The following RBBP8 variants were observed in gnomAD, a reference collection of about 807,000 sequenced individuals.
The protein encoded by RBBP8 is DNA endonuclease RBBP8.
Under a neutral mutation model 108.3 loss-of-function variants are expected in RBBP8, and 88 were observed. The ratio of observed to expected loss-of-function variants is 0.81; its 90% CI spans 0.68 to 0.97. The LOEUF (loss-of-function observed/expected upper bound fraction) is 0.97, where lower values mean the gene tolerates loss of function less well. Among genes scored for constraint, RBBP8 ranks in the 50% least tolerant of loss-of-function variants. The pLI is 0.00. For missense variants in RBBP8, 1,023 were observed against 1,049.0 expected, an observed-to-expected ratio of 0.98 and a Z score of 0.34; for synonymous variants, 332 against 348.2, an observed-to-expected ratio of 0.95 and a Z score of 0.52.
intron 4 of RBBP8, chr18:22,950,049 T>C (rs1036640270): frequency 4.6e-6 from 1 of 217,640 alleles, no homozygotes; most frequent in African/African-American, 2.3e-5. Flanking sequence ...CTGTCGTCTT[T>C]TCTTGTTCTT....
chr18:22,955,668 G>T (rs1912461269), intron 4 of RBBP8, among the ~76,000 whole-genome samples: 1 of 150,256 alleles, frequency 6.7e-6, no homozygotes, highest in Non-Finnish European at 1.5e-5. Flanking sequence ...AGCTCCGCCT[G>T]CCAGGTTCAC....
intron 14 of RBBP8, among the ~76,000 whole-genome samples, chr18:23,001,045 A>G (rs766012380): frequency 1.3e-5 from 2 of 152,204 alleles, no homozygotes; most frequent in African/African-American, 2.4e-5. Flanking sequence ...ACATCTGTTC[A>G]CCAAAAGAAC....
intron 16 of RBBP8, among the ~76,000 whole-genome samples, chr18:23,006,997 GTGTGCA>G (rs1321118065): frequency 8.6e-5 from 13 of 150,796 alleles, no homozygotes; most frequent in East Asian, 1.9e-4. Flanking sequence ...GTGTGTGTGC[GTGTGCA>G]TGTGTGTGTG....
At chr18:23,013,625 G>GT (rs903706714) in intron 16 of RBBP8, among the ~76,000 whole-genome samples, 1 of 152,158 alleles carries the variant, frequency 6.6e-6, no homozygotes, top group Non-Finnish European at 1.5e-5. Flanking sequence ...TACATAGATG[G>GT]TTTAAGTCTC....
chr18:22,999,994 A>C (rs1281916884), intron 14 of RBBP8, among the ~76,000 whole-genome samples: 3 of 152,256 alleles, frequency 2.0e-5, no homozygotes, highest in African/African-American at 7.2e-5. Flanking sequence ...ATGCAGAATA[A>C]ATGTTTAATT....
At position 22,982,364 on chromosome 18, in the gene RBBP8, C is replaced by T; in HGVS notation, c.575C>T (p.Thr192Ile). Residue 192 changes from threonine to isoleucine, a missense_variant, in exon 7 of 19, where the codon ACT becomes ATT. Coordinates refer to ENST00000327155, the MANE Select transcript of RBBP8 (RefSeq NM_002894.3). ...PHVRYIEQTH[T>I]KLEHSVCANE... The stretch of plus-strand genomic sequence containing the variant: ...GTCCGATACATAGAACAAACACATA[C>T]TAAATTGGAGCACTCTGTGTGTGCA... The T allele has an allele frequency of 1.2e-6, 2 of 1,614,088 alleles. No individual in the cohort carries two copies. Among genetic ancestry groups the T allele is most frequent in the Non-Finnish European group, 1.7e-6 (2 of 1,179,986 alleles).
intron 3 of RBBP8, among the ~76,000 whole-genome samples, chr18:22,927,427 C>A (rs1909829692): frequency 6.6e-6 from 1 of 152,142 alleles, no homozygotes; most frequent in Non-Finnish European, 1.5e-5. Flanking sequence ...TTCCATCCTG[C>A]TTCTTTAAGT....
intron 5 of RBBP8, 52 bp downstream of exon 5, chr18:22,968,970 A>G: frequency 7.4e-7 from 1 of 1,360,176 alleles, no homozygotes; most frequent in East Asian, 2.5e-5. Context: ...TATTATTTTT[A>G]AGACCTATTA....
At chr18:22,921,751 G>A (rs1359038940) in intron 3 of RBBP8, among the ~76,000 whole-genome samples, 1 of 152,164 alleles carries the variant, frequency 6.6e-6, no homozygotes, top group Non-Finnish European at 1.5e-5. Flanking sequence ...GATCTTCTGT[G>A]AGAAAGGTAT....
At chr18:22,921,137 C>T (rs1461257653) in intron 3 of RBBP8, among the ~76,000 whole-genome samples, 1 of 152,142 alleles carries the variant, frequency 6.6e-6, no homozygotes, top group Non-Finnish European at 1.5e-5. Flanking sequence ...GAGCCTGAGA[C>T]CTCTGGCTTA....
chr18:22,955,475 T>C (rs1912437675), intron 4 of RBBP8, among the ~76,000 whole-genome samples: 1 of 152,128 alleles, frequency 6.6e-6, no homozygotes, highest in African/African-American at 2.4e-5. Flanking sequence ...CTATTAACGC[T>C]ACAGGATAGA....
At chr18:22,932,690 T>C (rs915410604), upstream of RBBP8, among the ~76,000 whole-genome samples, 4 of 152,236 alleles carry the variant, frequency 2.6e-5, no homozygotes, top group East Asian at 3.8e-4. Context: ...ACGATTCTTT[T>C]ACAAATCAGG....
chr18:22,996,413 G>A lies in RBBP8; in HGVS notation c.1979G>A (p.Gly660Glu), dbSNP rs767965062. ...AATATCCAGTGGAGTATAGATCCGG[G>A]AGCAGACCTTTCTCAGTATAAAATG... is the stretch of plus-strand genomic sequence containing the variant. ...FENIQWSIDP[G>E]ADLSQYKMDV... The change falls in exon 13 of 19, where the codon GGA becomes GAA. Residue 660 changes from glycine to glutamate, a missense_variant. By Grantham distance (98) the Gly-to-Glu change is moderately conservative. Coordinates refer to ENST00000327155, the MANE Select transcript of RBBP8 (RefSeq NM_002894.3). The A allele has an allele frequency of 6.2e-7, 1 of 1,613,572 alleles. No homozygotes were observed. Among genetic ancestry groups the A allele is most frequent in the Non-Finnish European group, 8.5e-7 (1 of 1,179,878 alleles).
intron 16 of RBBP8, among the ~76,000 whole-genome samples, chr18:23,013,397 G>A (rs2046202743): frequency 6.6e-6 from 1 of 152,074 alleles, no homozygotes; most frequent in South Asian, 2.1e-4. Context: ...GGGATCACAA[G>A]ATCAATTGAA....
At position 23,018,617 on chromosome 18, in the gene RBBP8, A is replaced by G. The variant is rs2046300823; in HGVS notation, c.2454+1693A>G. The stretch of plus-strand genomic sequence containing the variant: ...CCTCTAATTACTTATAATCCCTATT[A>G]CAATGTAAATGCTTTGTAAATAGTT... On this transcript the variant is annotated intron_variant, in intron 17 of 18. Coordinates refer to ENST00000327155, the MANE Select transcript of RBBP8 (RefSeq NM_002894.3). Among the ~76,000 whole-genome samples the G allele has an allele frequency of 2.0e-5, 3 of 148,694 alleles. No individual in the cohort carries two copies. The South Asian group carries it at 6.4e-4, about 32-fold the overall frequency.
intron 16 of RBBP8, among the ~76,000 whole-genome samples, chr18:23,008,769 A>ATTT (rs71161355): frequency 0.012 from 1,217 of 99,914 alleles, 40 homozygotes; most frequent in African/African-American, 0.023. Context: ...TATGACTTTG[A>ATTT]TTTTTTTTTT....
chr18:22,997,840 G>GAAAAAACCTGC, intron 14 of RBBP8, 106 bp downstream of exon 14: 1 of 793,674 alleles, frequency 1.3e-6, no homozygotes, highest in Non-Finnish European at 2.2e-6. Context: ...CATAAAGCAG[G>GAAAAAACCTGC]TTTTTTCCTG....
intron 4 of RBBP8, among the ~76,000 whole-genome samples, chr18:22,965,007 C>G (rs968062713): frequency 8.6e-5 from 13 of 151,862 alleles, no homozygotes; most frequent in Non-Finnish European, 1.8e-4. Flanking sequence ...GACATCATTT[C>G]TTTTTAACAG....
intron 5 of RBBP8, among the ~76,000 whole-genome samples, chr18:22,974,555 A>G (rs921547113): frequency 4.6e-5 from 7 of 152,124 alleles, no homozygotes; most frequent in Admixed American, 3.9e-4. Flanking sequence ...TCAGCGTCCT[A>G]GGTTCAAATG....
Sources: allele counts gnomAD v4.1 joint callset (sites outside exome capture counted in the v4.1 genomes callset), GRCh38; gene constraint gnomAD v4.1.1; transcripts MANE v1.5; gene names NCBI Gene and HGNC (gene_info 2026-07-23, HGNC 2026-07-21).